DNM3: variants seen among roughly 807,000 people sequenced by gnomAD.
The protein encoded by DNM3 is dynamin-3.
In DNM3, 47 loss-of-function variants were observed where a neutral mutation model predicts 101.6. That is an observed-to-expected ratio of 0.46 (90% CI 0.37 to 0.59). The LOEUF is 0.59. Ranked by LOEUF, DNM3 falls within the 20% of genes least tolerant of loss-of-function variation. The pLI is 0.00. For synonymous variants in DNM3, 385 were observed against 387.9 expected, an observed-to-expected ratio of 0.99 and a Z score of 0.09; for missense variants, 849 against 1,085.7, an observed-to-expected ratio of 0.78 and a Z score of 3.06.
Position 172,315,029 on chromosome 1 carries a change from C to T in DNM3, c.1881+6190C>T, listed in dbSNP as rs956139060. Among the ~76,000 whole-genome samples the T allele has an allele frequency of 3.9e-5, 6 of 152,148 alleles. No homozygotes were observed. The East Asian group carries it at 9.6e-4, about 24-fold the overall frequency. ...CTGACACCTCACACGGCCGGGTACT[C>T]CTCTGAGACAAAACTTCCAGAGGAA... On this transcript the variant is annotated intron_variant, in intron 16 of 20. Coordinates refer to ENST00000627582, the MANE Select transcript of DNM3 (RefSeq NM_015569.5).
At chr1:172,227,741 A>G (rs2061187752) in intron 14 of DNM3, among the ~76,000 whole-genome samples, 1 of 152,050 alleles carries the variant, frequency 6.6e-6, no homozygotes. Flanking sequence ...TGAGAAATGA[A>G]GATAGATATA....
chr1:172,081,149 T>C (rs2125986230), intron 11 of DNM3, among the ~76,000 whole-genome samples: 1 of 152,260 alleles, frequency 6.6e-6, no homozygotes, highest in East Asian at 1.9e-4. Flanking sequence ...GCAGTGGCTA[T>C]TCACAGGCCT....
At chr1:172,316,580 G>A (rs2065371290) in intron 16 of DNM3, among the ~76,000 whole-genome samples, 1 of 151,994 alleles carries the variant, frequency 6.6e-6, no homozygotes, top group Non-Finnish European at 1.5e-5. Context: ...AAAGGCAGGG[G>A]TTGCAATCCT....
chr1:172,082,653 T>C (rs61807760), intron 12 of DNM3, among the ~76,000 whole-genome samples: 1 of 152,202 alleles, frequency 6.6e-6, no homozygotes, highest in South Asian at 2.1e-4. Context: ...CAAAAGAGCC[T>C]ATGTACTTTT....
intron 2 of DNM3, among the ~76,000 whole-genome samples, chr1:171,965,056 G>A (rs779251051): frequency 1.1e-4 from 16 of 152,080 alleles, no homozygotes; most frequent in Admixed American, 2.0e-4. Flanking sequence ...TGATGTCTCA[G>A]TCCCACAAGA....
At chr1:172,242,931 T>C (rs996862377) in intron 14 of DNM3, among the ~76,000 whole-genome samples, 1 of 152,186 alleles carries the variant, frequency 6.6e-6, no homozygotes. Context: ...CAACAAATCC[T>C]CCTTTGTCTC....
chr1:172,413,949 G>C (rs1454296704), downstream of DNM3, among the ~76,000 whole-genome samples: 2 of 152,176 alleles, frequency 1.3e-5, no homozygotes, highest in South Asian at 2.1e-4. Flanking sequence ...TGTTTTAACT[G>C]CATGATTTTG....
chr1:171,894,348 C>T (rs568050174), intron 1 of DNM3, among the ~76,000 whole-genome samples: 22 of 152,274 alleles, frequency 1.4e-4, no homozygotes, highest in East Asian at 1.2e-3. Context: ...ACTGGAAAAC[C>T]GGAAAGCTCT....
At chr1:172,235,320 T>G (rs2061496753) in intron 14 of DNM3, among the ~76,000 whole-genome samples, 1 of 152,126 alleles carries the variant, frequency 6.6e-6, no homozygotes, top group African/African-American at 2.4e-5. Context: ...CCAGTTAGAA[T>G]GGCAATCATT....
At chr1:172,308,705 ATT>A (rs200321314) in intron 15 of DNM3, 21 bp from the exon 16 acceptor site, 16,707 of 1,158,938 alleles carry the variant, frequency 0.014, no homozygotes, top group South Asian at 0.025. Context: ...TAAAAGCATG[ATT>A]TTTTTTTTTT....
At chr1:172,121,215 G>C (rs1343878909) in intron 13 of DNM3, among the ~76,000 whole-genome samples, 1 of 152,074 alleles carries the variant, frequency 6.6e-6, no homozygotes, top group Non-Finnish European at 1.5e-5. Flanking sequence ...CAGGAAAAAA[G>C]TGAAAAAAAC....
intron 15 of DNM3, among the ~76,000 whole-genome samples, chr1:172,303,005 G>A (rs1350747655): frequency 6.6e-6 from 1 of 152,094 alleles, no homozygotes; most frequent in Non-Finnish European, 1.5e-5. Flanking sequence ...CACCAGCAAT[G>A]GAATAAAGCT....
intron 14 of DNM3, among the ~76,000 whole-genome samples, chr1:172,195,947 T>A (rs2059932329): frequency 6.6e-6 from 1 of 151,770 alleles, no homozygotes; most frequent in South Asian, 2.1e-4. Context: ...CATATGAAGG[T>A]TTGTTACGTA....
At chr1:172,193,180 G>T (rs1437160418) in intron 14 of DNM3, among the ~76,000 whole-genome samples, 2 of 152,008 alleles carry the variant, frequency 1.3e-5, no homozygotes, top group Non-Finnish European at 1.5e-5. Flanking sequence ...GTCTTCTTTT[G>T]AGAACTGTCT....
chr1:172,382,927 A>G (rs549095857), intron 18 of DNM3, among the ~76,000 whole-genome samples: 1 of 152,248 alleles, frequency 6.6e-6, no homozygotes, highest in South Asian at 2.1e-4. Context: ...CTCCTTGGCC[A>G]TTGGCATTTT....
chr1:172,385,182 C>A (rs376865200), intron 18 of DNM3, among the ~76,000 whole-genome samples: 1 of 152,140 alleles, frequency 6.6e-6, no homozygotes, highest in African/African-American at 2.4e-5. Context: ...TATACTACTG[C>A]GTTATTAAAT....
chr1:172,100,895 C>T (rs1379394726), intron 13 of DNM3, among the ~76,000 whole-genome samples: 1 of 152,180 alleles, frequency 6.6e-6, no homozygotes, highest in African/African-American at 2.4e-5. Context: ...TACTTTGAAT[C>T]CAGCAGAAAT....
intron 20 of DNM3, among the ~76,000 whole-genome samples, chr1:172,390,116 C>G (rs2069440118): frequency 6.6e-6 from 1 of 152,032 alleles, no homozygotes; most frequent in African/African-American, 2.4e-5. Flanking sequence ...TATACACACT[C>G]TCAATCCAAT....
intron 15 of DNM3, among the ~76,000 whole-genome samples, chr1:172,282,200 G>A (rs1395414295): frequency 3.3e-5 from 5 of 152,002 alleles, no homozygotes; most frequent in South Asian, 2.1e-4. Flanking sequence ...CATCCTCGCC[G>A]CTCATTCTGT....
Sources: gnomAD v4.1 joint callset for allele counts (sites outside exome capture counted in the v4.1 genomes callset) on GRCh38, gnomAD v4.1.1 for gene constraint, MANE v1.5 for transcripts, NCBI Gene and HGNC (gene_info 2026-07-23, HGNC 2026-07-21) for gene names.